Variants in NCK2 observed in about 807,000 individuals in gnomAD.
The protein encoded by NCK2 is NCK adaptor protein 2.
NCK2 carries 16 observed loss-of-function variants against 33.9 expected under a neutral mutation model. The ratio of observed to expected loss-of-function variants is 0.47; its 90% CI spans 0.32 to 0.72. The LOEUF (loss-of-function observed/expected upper bound fraction) is 0.72, where lower values mean the gene tolerates loss of function less well. Ranked by LOEUF, NCK2 falls within the 30% of genes least tolerant of loss-of-function variation. The pLI is 0.03. For synonymous variants in NCK2, 273 were observed against 239.9 expected (o/e 1.14, Z -1.27); for missense variants, 418 against 537.3 (o/e 0.78, Z 2.19).
intron 2 of NCK2, among the ~76,000 whole-genome samples, chr2:105,823,132 C>CT (rs1231957747): frequency 6.7e-6 from 1 of 148,530 alleles, no homozygotes; most frequent in African/African-American, 2.5e-5. Context: ...TCCTCTCATG[C>CT]TGTGTGTGTG....
chr2:105,835,429 T>C (rs1034578858), intron 2 of NCK2, among the ~76,000 whole-genome samples: 1 of 12,538 alleles, frequency 8.0e-5, no homozygotes, highest in Non-Finnish European at 1.8e-4. Context: ...ATATATTTTT[T>C]TTTTGGTCAG....
intron 3 of NCK2, among the ~76,000 whole-genome samples, chr2:105,860,588 G>C (rs1483542440): frequency 1.3e-5 from 2 of 152,112 alleles, no homozygotes; most frequent in Non-Finnish European, 2.9e-5. Context: ...TTACTGGGCT[G>C]TGCACAGGAC....
intron 2 of NCK2, among the ~76,000 whole-genome samples, chr2:105,849,630 C>T (rs74399586): frequency 0.016 from 2,423 of 152,260 alleles, 36 homozygotes; most frequent in Non-Finnish European, 0.02. Context: ...TGCTCTAATG[C>T]TCTTCAGGAA....
intron 2 of NCK2, among the ~76,000 whole-genome samples, chr2:105,830,094 T>C (rs1454389445): frequency 6.6e-6 from 1 of 152,238 alleles, no homozygotes; most frequent in Non-Finnish European, 1.5e-5. Context: ...ATTTTCTGTG[T>C]TGGGAACATT....
At chr2:105,853,410 G>A (rs1003785486) in intron 2 of NCK2, among the ~76,000 whole-genome samples, 11 of 152,190 alleles carry the variant, frequency 7.2e-5, no homozygotes, top group African/African-American at 2.6e-4. Context: ...TTGGAAAAAT[G>A]TTATGTTCAC....
chr2:105,772,089 G>T (rs1690153331), intron 1 of NCK2, among the ~76,000 whole-genome samples: 1 of 150,494 alleles, frequency 6.6e-6, no homozygotes, highest in Non-Finnish European at 1.5e-5. Context: ...TCAGCCGAGG[G>T]CAGTGTCTGA....
Position 105,881,416 on chromosome 2 carries a change from C to T in NCK2, c.315C>T (p.Gly105=), listed in dbSNP as rs150031257. 6 of 1,612,848 alleles carry T rather than the reference C, an allele frequency of 3.7e-6. No homozygotes were observed. The highest frequency in any genetic ancestry group is 1.1e-5 in the South Asian group (1 of 91,084). Residue 105 remains glycine, a synonymous_variant, in exon 4 of 5, where the codon GGC becomes GGT. Coordinates refer to ENST00000233154, the MANE Select transcript of NCK2 (RefSeq NM_003581.5). ...TDAEYPANGS[G]ADRIYDLNIP... The stretch of plus-strand genomic sequence containing the variant: ...CCGAGTACCCCGCCAATGGCAGCGG[C>T]GCCGACCGCATCTACGACCTCAACA...
At chr2:105,808,331 A>T (rs1675163961) in intron 1 of NCK2, among the ~76,000 whole-genome samples, 1 of 152,238 alleles carries the variant, frequency 6.6e-6, no homozygotes, top group African/African-American at 2.4e-5. Context: ...TTCTTCTGGA[A>T]AGTCTTCAAA....
At chr2:105,892,861 A>AG in intron 4 of NCK2, 121 bp from the exon 5 acceptor site, 2 of 749,516 alleles carry the variant, frequency 2.7e-6, no homozygotes, top group Non-Finnish European at 2.1e-6. Context: ...AAAAAAAAAA[A>AG]GCAGAGACCC....
At chr2:105,789,494 A>G (rs543379090) in intron 1 of NCK2, among the ~76,000 whole-genome samples, 6 of 152,248 alleles carry the variant, frequency 3.9e-5, no homozygotes, top group Admixed American at 2.6e-4. Flanking sequence ...TGGCCTCACA[A>G]CCTTTTTTCA....
chr2:105,848,112 C>T (rs1201497151), intron 2 of NCK2, among the ~76,000 whole-genome samples: 1 of 152,196 alleles, frequency 6.6e-6, no homozygotes, highest in African/African-American at 2.4e-5. Flanking sequence ...CTGGGCATTA[C>T]GTGGACATTA....
intron 1 of NCK2, among the ~76,000 whole-genome samples, chr2:105,788,613 T>G (rs13417262): frequency 0.23 from 35,389 of 152,114 alleles, 5,556 homozygotes; most frequent in African/African-American, 0.44. Flanking sequence ...ATATGTAGGT[T>G]AAATAAGACA....
intron 2 of NCK2, among the ~76,000 whole-genome samples, chr2:105,835,409 G>GTATATATATGTGTATATATATATATA: frequency 1.7e-5 from 1 of 59,320 alleles, no homozygotes; most frequent in African/African-American, 6.1e-5. Context: ...ATATATACGT[G>GTATATATATGTGTATATATATATATA]TATATATATA....
At chr2:105,789,195 T>C (rs1380721982) in intron 1 of NCK2, among the ~76,000 whole-genome samples, 1 of 152,160 alleles carries the variant, frequency 6.6e-6, no homozygotes, top group Non-Finnish European at 1.5e-5. Flanking sequence ...TTTTTTCTTT[T>C]TCTTTTTTTG....
At chr2:105,813,031 A>G (rs565660051) in intron 1 of NCK2, among the ~76,000 whole-genome samples, 65 of 152,330 alleles carry the variant, frequency 4.3e-4, no homozygotes, top group Non-Finnish European at 4.6e-4. Flanking sequence ...TCAAGGTTCT[A>G]GCCCTTTCGT....
chr2:105,787,017 G>A (rs1690703550), intron 1 of NCK2, among the ~76,000 whole-genome samples: 1 of 152,238 alleles, frequency 6.6e-6, no homozygotes, highest in Non-Finnish European at 1.5e-5. Flanking sequence ...AATGGGGTGA[G>A]CATGTGCCCT....
rs73946605 is a variant in NCK2 at position 105,874,821 on chromosome 2, T to A, written c.227-6507T>A. 6.0e-3 allele frequency among the ~76,000 whole-genome samples: 915 copies of A among 152,350 alleles called. 15 individuals carry two copies. Among genetic ancestry groups the A allele is most frequent in the African/African-American group, 0.02 (820 of 41,584 alleles). ...TATTCAGGCTTTTATTAGGACCCAA[T>A]CTTTAATGTCTGTAATTTTATTCAG... On this transcript the variant is annotated intron_variant, in intron 3 of 4. Coordinates refer to ENST00000233154, the MANE Select transcript of NCK2 (RefSeq NM_003581.5).
intron 2 of NCK2, among the ~76,000 whole-genome samples, chr2:105,838,330 G>T (rs1676511921): frequency 6.7e-6 from 1 of 149,738 alleles, no homozygotes; most frequent in Non-Finnish European, 1.5e-5. Flanking sequence ...TTTTGGCCAG[G>T]TAACTAGTCT....
chr2:105,804,262 A>G (rs969001048), intron 1 of NCK2, among the ~76,000 whole-genome samples: 21 of 152,236 alleles, frequency 1.4e-4, no homozygotes, highest in African/African-American at 4.8e-4. Context: ...AAATGTGTGT[A>G]AATGAACGGA....
Sources: allele counts gnomAD v4.1 joint callset (sites outside exome capture counted in the v4.1 genomes callset), GRCh38; gene constraint gnomAD v4.1.1; transcripts MANE v1.5; gene names NCBI Gene and HGNC (gene_info 2026-07-23, HGNC 2026-07-21).